The following GOLPH3L variants were observed in gnomAD, a reference collection of about 807,000 sequenced individuals.
GOLPH3L encodes golgi phosphoprotein 3 like.
A neutral mutation model predicts 30.3 loss-of-function variants in GOLPH3L; 22 were observed. The observed-to-expected ratio is 0.73, with a 90% CI of 0.52 to 1.04. The LOEUF is 1.04. GOLPH3L is among the 50% of genes least tolerant of loss of function. GOLPH3L has a pLI of 0.00. For synonymous variants in GOLPH3L, 120 were observed against 128.2 expected, an observed-to-expected ratio of 0.94 and a Z score of 0.43; for missense variants, 303 against 345.8, an observed-to-expected ratio of 0.88 and a Z score of 0.98.
intron 2 of GOLPH3L, among the ~76,000 whole-genome samples, chr1:150,670,124 T>G (rs1226450457): frequency 6.6e-6 from 1 of 151,538 alleles, no homozygotes; most frequent in Non-Finnish European, 1.5e-5. Flanking sequence ...TGGCCAGGTG[T>G]GGTGGTAGAC....
At chr1:150,678,779 ACCC>A (rs1344728187) in intron 2 of GOLPH3L, among the ~76,000 whole-genome samples, 2 of 152,068 alleles carry the variant, frequency 1.3e-5, no homozygotes, top group Admixed American at 1.3e-4. Context: ...ACATGGTGAA[ACCC>A]CATCTCTAGT....
intron 4 of GOLPH3L, among the ~76,000 whole-genome samples, chr1:150,652,569 A>G (rs1650147996): frequency 6.6e-6 from 1 of 152,080 alleles, no homozygotes; most frequent in African/African-American, 2.4e-5. Context: ...TGAGAGCAGG[A>G]CACACTAGAC....
intron 2 of GOLPH3L, among the ~76,000 whole-genome samples, chr1:150,692,421 T>C (rs1414815231): frequency 6.6e-6 from 1 of 152,244 alleles, no homozygotes; most frequent in Non-Finnish European, 1.5e-5. Flanking sequence ...GGCCTTGCTC[T>C]GTTGTTCAGG....
In GOLPH3L at chr1:150,673,070, A is replaced by G. The variant is rs375451068; in HGVS notation, c.184-9307T>C. Among the ~76,000 whole-genome samples the G allele has an allele frequency of 1.1e-4, 16 of 152,274 alleles. No homozygotes were observed. In the East Asian group the frequency reaches 2.7e-3, roughly 26 times the overall value. On this transcript the variant is annotated intron_variant, in intron 2 of 4. Transcript: ENST00000271732. ...TGCGTTGTCAGTGAAAGGGAAATGC[A>G]AAATAAAGGAAAGCAACTGGTCATC... is the stretch of plus-strand genomic sequence containing the variant.
At chr1:150,654,429 C>A (rs1388887528) in intron 4 of GOLPH3L, among the ~76,000 whole-genome samples, 4 of 151,662 alleles carry the variant, frequency 2.6e-5, no homozygotes, top group Non-Finnish European at 5.9e-5. Context: ...AGTGCTTGAA[C>A]CTAGGAGGCA....
rs1479296299 is a variant in GOLPH3L at position 150,693,840 on chromosome 1, T to TAC, written c.183+815_183+816insGT. 9.0e-3 allele frequency among the ~76,000 whole-genome samples: 710 copies of TAC among 79,172 alleles called. 10 individuals are homozygous for TAC. The highest frequency in any genetic ancestry group is 0.029 in the African/African-American group (575 of 19,846). 51.9% of individuals were successfully genotyped at this position (79,172 alleles called of 152,430 possible). A position where few individuals can be genotyped will look rare whatever the true frequency, so the allele number is the denominator to read the frequency against. ...GTGTGTATATATATATATATATATATATATATATTTTTTTTTTTTTTTTTT... is the reference window on the plus strand; with the variant it reads ...GTGTGTATATATATATATATATATATACATATATATTTTTTTTTTTTTTTTTT... On this transcript the variant is annotated intron_variant, in intron 2 of 4. Coordinates refer to ENST00000271732, the MANE Select transcript of GOLPH3L (RefSeq NM_018178.6).
intron 2 of GOLPH3L, among the ~76,000 whole-genome samples, chr1:150,676,210 G>C (rs1021840138): frequency 6.6e-6 from 1 of 152,058 alleles, no homozygotes; most frequent in African/African-American, 2.4e-5. Context: ...CTGAGCTCAG[G>C]TGATGCTCCT....
chr1:150,657,062 G>T (rs895409744), intron 4 of GOLPH3L, among the ~76,000 whole-genome samples: 20 of 152,274 alleles, frequency 1.3e-4, no homozygotes, highest in Admixed American at 1.2e-3. Flanking sequence ...CTTTTAATAT[G>T]CCTATTTATG....
intron 2 of GOLPH3L, among the ~76,000 whole-genome samples, chr1:150,672,787 G>A (rs898299999): frequency 6.6e-6 from 1 of 152,114 alleles, no homozygotes; most frequent in African/African-American, 2.4e-5. Flanking sequence ...AATCCTATTG[G>A]AGAATGAAGA....
Position 150,681,842 on chromosome 1 carries a change from G to A in GOLPH3L, c.183+12814C>T, listed in dbSNP as rs587680904. ...AGCACTTTGGGAGGCTGAGGCAGGTGGATCACCTGAGGCCATGAATTCAAG... is the reference window on the plus strand; with the variant it reads ...AGCACTTTGGGAGGCTGAGGCAGGTAGATCACCTGAGGCCATGAATTCAAG... On this transcript the variant is annotated intron_variant, in intron 2 of 4. Coordinates refer to ENST00000271732, the MANE Select transcript of GOLPH3L (RefSeq NM_018178.6). Among the ~76,000 whole-genome samples, 26 of 151,568 alleles carry A rather than the reference G, an allele frequency of 1.7e-4. No individual in the cohort carries two copies. In the South Asian group the frequency reaches 5.0e-3, roughly 29 times the overall value.
chr1:150,670,085 A>T (rs1373589430), intron 2 of GOLPH3L, among the ~76,000 whole-genome samples: 3 of 151,398 alleles, frequency 2.0e-5, no homozygotes, highest in African/African-American at 7.3e-5. Context: ...ACATGGTGAA[A>T]CCCCGTTTCT....
chr1:150,687,038 G>A (rs1651100203), intron 2 of GOLPH3L, among the ~76,000 whole-genome samples: 1 of 152,080 alleles, frequency 6.6e-6, no homozygotes, highest in African/African-American at 2.4e-5. Context: ...AATCGCAGTA[G>A]CTACTGGGAG....
chr1:150,648,403 TCTA>T lies in GOLPH3L; in HGVS notation c.773_775del (p.Val258del). 1 of 1,613,840 alleles carries T rather than the reference TCTA, an allele frequency of 6.2e-7. No homozygotes were observed. Among genetic ancestry groups the T allele is most frequent in the Non-Finnish European group, 8.5e-7 (1 of 1,179,734 alleles). Reference sequence around the variant, plus strand: ...TGTCCCTTCCACTTCAGGGTCCAGTTCTACTAAGTCCTTGGCTCGATTCATTGC... The same window carrying T: ...TGTCCCTTCCACTTCAGGGTCCAGTTCTAAGTCCTTGGCTCGATTCATTGC... On this transcript the variant is annotated inframe_deletion, in exon 5 of 5. Transcript: ENST00000271732.
At chr1:150,657,572 A>C (rs1650268324) in intron 4 of GOLPH3L, among the ~76,000 whole-genome samples, 1 of 152,230 alleles carries the variant, frequency 6.6e-6, no homozygotes, top group Admixed American at 6.5e-5. Flanking sequence ...TCTGGGCTAC[A>C]TGCCAAATCA....
intron 2 of GOLPH3L, among the ~76,000 whole-genome samples, chr1:150,665,715 T>G (rs1650485982): frequency 6.6e-6 from 1 of 152,186 alleles, no homozygotes; most frequent in South Asian, 2.1e-4. Context: ...ATTATTATTT[T>G]ATACAGGTAG....
chr1:150,669,249 T>G (rs1650585390), intron 2 of GOLPH3L, among the ~76,000 whole-genome samples: 1 of 152,134 alleles, frequency 6.6e-6, no homozygotes, highest in Non-Finnish European at 1.5e-5. Context: ...TGATAGTAAA[T>G]GTTCCCCTGT....
At chr1:150,673,127 T>C (rs1650681125) in intron 2 of GOLPH3L, among the ~76,000 whole-genome samples, 1 of 152,142 alleles carries the variant, frequency 6.6e-6, no homozygotes. Flanking sequence ...TAAATCTCAT[T>C]CTGGTCAGTA....
intron 4 of GOLPH3L, 24 bp downstream of exon 4, chr1:150,661,790 A>G (rs749738215): frequency 1.0e-6 from 1 of 980,662 alleles, no homozygotes; most frequent in Admixed American, 1.7e-5. Flanking sequence ...TGTGAAATTC[A>G]TATATTATTT....
At chr1:150,664,383 G>A (rs1053875857) in intron 2 of GOLPH3L, among the ~76,000 whole-genome samples, 1 of 151,896 alleles carries the variant, frequency 6.6e-6, no homozygotes, top group African/African-American at 2.4e-5. Context: ...TTCAGAGTGG[G>A]GTAAAATAAG....
Sources: gnomAD v4.1 joint callset for allele counts (sites outside exome capture counted in the v4.1 genomes callset) on GRCh38, gnomAD v4.1.1 for gene constraint, MANE v1.5 for transcripts, NCBI Gene and HGNC (gene_info 2026-07-23, HGNC 2026-07-21) for gene names.